The following NTNG1 variants were observed in gnomAD, a reference collection of about 807,000 sequenced individuals.
NTNG1 encodes the protein netrin G1, also known as netrin-G1.
A neutral mutation model predicts 54.0 loss-of-function variants in NTNG1; 16 were observed. The observed-to-expected ratio is 0.30, with a 90% confidence interval of 0.20 to 0.45. The LOEUF (loss-of-function observed/expected upper bound fraction) is 0.45, where lower values mean the gene tolerates loss of function less well. Among genes scored for constraint, NTNG1 ranks in the 20% least tolerant of loss-of-function variants. NTNG1 has a pLI of 1.00. For synonymous variants in NTNG1, 255 were observed against 263.1 expected, an observed-to-expected ratio of 0.97 and a Z score of 0.30; for missense variants, 530 against 678.7, an observed-to-expected ratio of 0.78 and a Z score of 2.43.
rs116762325 is a variant in NTNG1, at chr1:107,425,035, C to T, written c.1088-5715C>T. On this transcript the variant is annotated intron_variant, in intron 5 of 7. Transcript: ENST00000370068. ...CAAGAGACTGTGGTGGCCCAGAAGC[C>T]CCTGCTTCAGGAAGGATTACCAGGC... Among the ~76,000 whole-genome samples, 1,064 of 152,014 alleles carry T rather than the reference C, an allele frequency of 7.0e-3. 6 individuals are homozygous for T. The highest frequency in any genetic ancestry group is 0.024 in the African/African-American group (1,002 of 41,462).
At chr1:107,448,342 C>T (rs1676424798) in intron 7 of NTNG1, among the ~76,000 whole-genome samples, 1 of 152,004 alleles carries the variant, frequency 6.6e-6, no homozygotes, top group South Asian at 2.1e-4. Context: ...AATTATAAAC[C>T]CCATTGGCAG....
chr1:107,288,426 G>A (rs6661008), intron 2 of NTNG1, among the ~76,000 whole-genome samples: 2,612 of 152,156 alleles, frequency 0.017, 78 homozygotes, highest in African/African-American at 0.06. Context: ...AAGTACAAAC[G>A]GAAGCCAAGA....
chr1:107,244,247 A>G (rs979653396), intron 2 of NTNG1, among the ~76,000 whole-genome samples: 1 of 152,258 alleles, frequency 6.6e-6, no homozygotes, highest in Non-Finnish European at 1.5e-5. Flanking sequence ...CTGTGGAGAC[A>G]AAGTACTAAT....
intron 2 of NTNG1, among the ~76,000 whole-genome samples, chr1:107,161,988 G>A (rs1414867772): frequency 6.6e-6 from 1 of 150,566 alleles, no homozygotes; most frequent in African/African-American, 2.4e-5. Context: ...TGTTATATTT[G>A]TAAATTATCC....
At chr1:107,372,902 G>A (rs1395089997) in intron 3 of NTNG1, among the ~76,000 whole-genome samples, 1 of 151,926 alleles carries the variant, frequency 6.6e-6, no homozygotes, top group Non-Finnish European at 1.5e-5. Flanking sequence ...ATTAACTCTG[G>A]CAATAGTCTT....
At chr1:107,432,093 A>G (rs1675304438) in intron 6 of NTNG1, among the ~76,000 whole-genome samples, 1 of 152,186 alleles carries the variant, frequency 6.6e-6, no homozygotes, top group African/African-American at 2.4e-5. Flanking sequence ...TTTGTCAATT[A>G]GGAGAGAAAG....
chr1:107,175,295 A>G (rs72979594), intron 2 of NTNG1, among the ~76,000 whole-genome samples: 2,977 of 152,294 alleles, frequency 0.02, 98 homozygotes, highest in African/African-American at 0.068. Flanking sequence ...CAAACTTTGC[A>G]TCAGAAAGCA....
intron 2 of NTNG1, among the ~76,000 whole-genome samples, chr1:107,254,474 C>T (rs1570966639): frequency 6.6e-6 from 1 of 152,230 alleles, no homozygotes; most frequent in African/African-American, 2.4e-5. Flanking sequence ...TTTGAGTCTG[C>T]CCTGGCAATG....
At chr1:107,448,447 G>C (rs1676428440) in intron 7 of NTNG1, among the ~76,000 whole-genome samples, 1 of 152,054 alleles carries the variant, frequency 6.6e-6, no homozygotes, top group Non-Finnish European at 1.5e-5. Flanking sequence ...TTAAAAGTGT[G>C]ATCCCTCAAT....
intron 3 of NTNG1, 96 bp downstream of exon 3, chr1:107,325,018 A>G (rs960226773): frequency 1.6e-6 from 2 of 1,276,064 alleles, no homozygotes; most frequent in Non-Finnish European, 1.1e-6. Flanking sequence ...GTCAATTTCT[A>G]CTGCAACGTT....
chr1:107,403,243 A>T (rs990097165), intron 4 of NTNG1, among the ~76,000 whole-genome samples: 1 of 152,192 alleles, frequency 6.6e-6, no homozygotes, highest in African/African-American at 2.4e-5. Context: ...TTGAGGAAAG[A>T]ATAATTGCAA....
chr1:107,270,025 G>GA (rs752388438), intron 2 of NTNG1, among the ~76,000 whole-genome samples: 9 of 152,178 alleles, frequency 5.9e-5, no homozygotes, highest in Non-Finnish European at 1.2e-4. Flanking sequence ...ATGCCAATAT[G>GA]AAAAATATCA....
chr1:107,418,199 G>T (rs1321662813), intron 5 of NTNG1, among the ~76,000 whole-genome samples: 1 of 152,010 alleles, frequency 6.6e-6, no homozygotes, highest in Non-Finnish European at 1.5e-5. Flanking sequence ...AATATAAATT[G>T]AGGAGAATGG....
intron 2 of NTNG1, among the ~76,000 whole-genome samples, chr1:107,214,860 A>C (rs1340196986): frequency 6.7e-6 from 1 of 148,352 alleles, no homozygotes; most frequent in Non-Finnish European, 1.5e-5. Flanking sequence ...TTGTGGTTTG[A>C]TTTACATTTC....
chr1:107,427,522 A>G (rs957665532), intron 5 of NTNG1, among the ~76,000 whole-genome samples: 2 of 152,116 alleles, frequency 1.3e-5, no homozygotes, highest in African/African-American at 2.4e-5. Flanking sequence ...AGAAAATAAT[A>G]TAGCAGTTTA....
At chr1:107,170,468 T>TA (rs1198401959) in intron 2 of NTNG1, among the ~76,000 whole-genome samples, 1 of 152,034 alleles carries the variant, frequency 6.6e-6, no homozygotes, top group Admixed American at 6.6e-5. Flanking sequence ...TTAGCAGTCT[T>TA]AAAAAAATGA....
chr1:107,446,945 C>A (rs1676342758), intron 7 of NTNG1, among the ~76,000 whole-genome samples: 1 of 152,104 alleles, frequency 6.6e-6, no homozygotes, highest in South Asian at 2.1e-4. Context: ...TAATCTTTGA[C>A]TGGTTAGCAG....
chr1:107,306,916 G>A (rs766625362), intron 2 of NTNG1, among the ~76,000 whole-genome samples: 12 of 152,288 alleles, frequency 7.9e-5, no homozygotes, highest in South Asian at 2.1e-4. Flanking sequence ...CAGGGGCTCC[G>A]AAAGGTAGAT....
In NTNG1 at chr1:107,297,106, C is replaced by T. The variant is rs200615192; in HGVS notation, c.247-27176C>T. Among the ~76,000 whole-genome samples, 240 of 146,640 alleles carry T rather than the reference C, an allele frequency of 1.6e-3. 1 individual carries two copies. Among genetic ancestry groups the T allele is most frequent in the East Asian group, 0.012 (62 of 5,058 alleles). On this transcript the variant is annotated intron_variant, in intron 2 of 7. Transcript: ENST00000370068. ...ATGAGGACACACACACACACACACA[C>T]ACACACACAAACACACACATATATA...
Sources: gnomAD v4.1 joint callset for allele counts (sites outside exome capture counted in the v4.1 genomes callset) on GRCh38, gnomAD v4.1.1 for gene constraint, MANE v1.5 for transcripts, NCBI Gene and HGNC (gene_info 2026-07-23, HGNC 2026-07-21) for gene names.